The following TYW1B variants were observed in gnomAD, a reference collection of about 807,000 sequenced individuals.
TYW1B encodes tRNA-yW synthesizing protein 1 homolog B.
A neutral mutation model predicts 86.9 loss-of-function variants in TYW1B; 73 were observed. The observed-to-expected ratio is 0.84, with a 90% CI of 0.70 to 1.02. The LOEUF (loss-of-function observed/expected upper bound fraction) is 1.02, where lower values mean the gene tolerates loss of function less well. Among genes scored for constraint, TYW1B ranks in the 50% least tolerant of loss-of-function variants. The probability of loss-of-function intolerance (pLI) is 0.00; values close to 1 mark genes in which losing one functional copy is unlikely to be tolerated. For synonymous variants in TYW1B, 248 were observed against 292.8 expected (o/e 0.85, Z 1.56); for missense variants, 637 against 827.4 (o/e 0.77, Z 2.82).
chr7:72,656,206 C>T (rs1159302333), intron 11 of TYW1B, among the ~76,000 whole-genome samples: 2 of 152,196 alleles, frequency 1.3e-5, no homozygotes, highest in African/African-American at 2.4e-5. Context: ...TCACACACCA[C>T]TGACATTGAT....
chr7:72,597,183 T>A, intron 13 of TYW1B, among the ~76,000 whole-genome samples: 1 of 151,818 alleles, frequency 6.6e-6, no homozygotes, highest in Non-Finnish European at 1.5e-5. Flanking sequence ...AAAATATTCA[T>A]ATGACAGATT....
chr7:72,668,564 C>T (rs2960983), intron 11 of TYW1B, among the ~76,000 whole-genome samples: 5 of 152,144 alleles, frequency 3.3e-5, no homozygotes, highest in Admixed American at 6.6e-5. Flanking sequence ...ACTCCCCATC[C>T]GACCCCATGC....
intron 13 of TYW1B, among the ~76,000 whole-genome samples, chr7:72,602,261 C>A (rs1186993307): frequency 6.6e-6 from 1 of 151,968 alleles, no homozygotes; most frequent in African/African-American, 2.4e-5. Context: ...ACTCCAGCGC[C>A]GCTATATACA....
intron 12 of TYW1B, 136 bp from the exon 13 acceptor site, chr7:72,616,975 A>G: frequency 1.7e-6 from 2 of 1,186,546 alleles, no homozygotes; most frequent in Non-Finnish European, 2.3e-6. Flanking sequence ...AAGTGAATAT[A>G]GAGATGATAA....
At chr7:72,753,040 G>A (rs1275948904) in intron 7 of TYW1B, among the ~76,000 whole-genome samples, 1 of 151,520 alleles carries the variant, frequency 6.6e-6, no homozygotes, top group African/African-American at 2.4e-5. Flanking sequence ...GGTAATTTAA[G>A]AGAAAACAAA....
intron 8 of TYW1B, 43 bp downstream of exon 8, chr7:72,744,441 C>T (rs1787358153): frequency 6.4e-7 from 1 of 1,560,966 alleles, no homozygotes; most frequent in African/African-American, 1.4e-5. Context: ...ATTACCACAG[C>T]TCATTACATA....
At chr7:72,808,564 G>C (rs1199262710) in intron 4 of TYW1B, among the ~76,000 whole-genome samples, 1 of 113,582 alleles carries the variant, frequency 8.8e-6, no homozygotes, top group Non-Finnish European at 1.8e-5. Context: ...TTTCACTCTT[G>C]TTACCCAGGC....
intron 8 of TYW1B, among the ~76,000 whole-genome samples, chr7:72,739,095 T>C (rs1554461595): frequency 6.6e-6 from 1 of 152,078 alleles, no homozygotes; most frequent in Non-Finnish European, 1.5e-5. Context: ...GATAGTATTG[T>C]GGCTATATTA....
chr7:72,733,878 A>G (rs1554460403), intron 8 of TYW1B, among the ~76,000 whole-genome samples: 1 of 152,206 alleles, frequency 6.6e-6, no homozygotes, highest in Non-Finnish European at 1.5e-5. Context: ...AATTCTAAAA[A>G]TCACATGGAA....
chr7:72,596,261 C>CA (rs2129567946), intron 13 of TYW1B, among the ~76,000 whole-genome samples: 1 of 140,046 alleles, frequency 7.1e-6, no homozygotes, highest in Admixed American at 7.1e-5. Flanking sequence ...ATCAAAATAA[C>CA]AAAAACATTT....
At position 72,709,493 on chromosome 7, in the gene TYW1B, CCT is replaced by C. The variant is rs757780276; in HGVS notation, c.1370+4126_1370+4127del. ...ACCATCCTGCTAACACGGTGAAACC[CCT>C]GTCTCTACTAAAAATACAAAAAATT... On this transcript the variant is annotated intron_variant, in intron 10 of 13. Transcript: ENST00000620995. Among the ~76,000 whole-genome samples the C allele has an allele frequency of 4.2e-3, 630 of 150,498 alleles. 4 individuals carry two copies. The highest frequency in any genetic ancestry group is 0.023 in the East Asian group (107 of 4,604).
At chr7:72,629,659 G>T (rs1392130033) in intron 11 of TYW1B, among the ~76,000 whole-genome samples, 4 of 152,052 alleles carry the variant, frequency 2.6e-5, no homozygotes, top group Non-Finnish European at 5.9e-5. Flanking sequence ...TGATCCTCCT[G>T]CCTCAGCTTC....
intron 11 of TYW1B, among the ~76,000 whole-genome samples, chr7:72,688,756 T>C (rs1814069007): frequency 6.6e-6 from 1 of 152,154 alleles, no homozygotes; most frequent in African/African-American, 2.4e-5. Context: ...TCCAAACCCA[T>C]AGAAGCTATT....
At chr7:72,695,547 C>T (rs1814295916) in intron 10 of TYW1B, among the ~76,000 whole-genome samples, 1 of 152,126 alleles carries the variant, frequency 6.6e-6, no homozygotes, top group Non-Finnish European at 1.5e-5. Context: ...TTCATAATTT[C>T]ATTCCTACCT....
At chr7:72,727,689 G>T (rs1381576636) in intron 9 of TYW1B, among the ~76,000 whole-genome samples, 2 of 151,642 alleles carry the variant, frequency 1.3e-5, no homozygotes, top group Non-Finnish European at 2.9e-5. Flanking sequence ...AGCGCCTGTA[G>T]CCCCAGCTAC....
chr7:72,600,679 A>T (rs1469876019), intron 13 of TYW1B, among the ~76,000 whole-genome samples: 1 of 152,198 alleles, frequency 6.6e-6, no homozygotes. Context: ...CTACCAGCCT[A>T]GGCAACAAAA....
At chr7:72,729,564 T>C (rs1787066931) in intron 8 of TYW1B, among the ~76,000 whole-genome samples, 1 of 151,804 alleles carries the variant, frequency 6.6e-6, no homozygotes, top group Non-Finnish European at 1.5e-5. Flanking sequence ...TAACTAGCAG[T>C]ACAACCATAT....
intron 11 of TYW1B, among the ~76,000 whole-genome samples, chr7:72,656,568 C>T (rs1342793364): frequency 2.0e-5 from 3 of 151,690 alleles, no homozygotes; most frequent in African/African-American, 7.3e-5. Context: ...AGATCGAGAT[C>T]GCGCCACTGC....
intron 11 of TYW1B, among the ~76,000 whole-genome samples, chr7:72,651,671 A>G (rs1813061136): frequency 6.6e-6 from 1 of 152,204 alleles, no homozygotes; most frequent in African/African-American, 2.4e-5. Flanking sequence ...GTATATGTAT[A>G]TGTATATACA....
Sources: gnomAD v4.1 joint callset for allele counts (sites outside exome capture counted in the v4.1 genomes callset) on GRCh38, gnomAD v4.1.1 for gene constraint, MANE v1.5 for transcripts, NCBI Gene and HGNC (gene_info 2026-07-23, HGNC 2026-07-21) for gene names.